SEPTIN12: variants seen among roughly 807,000 people sequenced by gnomAD.
SEPTIN12 encodes the protein septin 12.
SEPTIN12 carries 42 observed loss-of-function variants against 37.7 expected under a neutral mutation model. The observed-to-expected ratio is 1.11, with a 90% CI of 0.87 to 1.44. SEPTIN12 has a LOEUF of 1.44. Ranked by LOEUF, SEPTIN12 falls within the 40% of genes most tolerant of loss-of-function variation. The pLI, the probability that SEPTIN12 is intolerant of heterozygous loss-of-function variation, is 0.00. For synonymous variants in SEPTIN12, 254 were observed against 196.7 expected, an observed-to-expected ratio of 1.29 and a Z score of -2.44; for missense variants, 613 against 479.2, an observed-to-expected ratio of 1.28 and a Z score of -2.61.
rs768194677 is a variant in SEPTIN12, at chr16:4,785,829, C to T, written c.352G>A (p.Asp118Asn). The stretch of plus-strand genomic sequence containing the variant: ...TACCAGTTGTCATTGTTGATCTGGT[C>T]CCCGAAGCCGGGCGTGTCCGTCACC... ...LTVTDTPGFG[D>N]QINNDNCWDP... The change falls in exon 4 of 10, where the codon GAC (aspartate) becomes AAC (asparagine). Residue 118 changes from aspartate to asparagine, a missense_variant. Transcript: ENST00000268231. The T allele has an allele frequency of 1.2e-6, 2 of 1,612,320 alleles. No homozygotes were observed. Among genetic ancestry groups the T allele is most frequent in the South Asian group, 1.1e-5 (1 of 91,036 alleles).
rs1393929908 is a variant in SEPTIN12 at position 4,785,804 on chromosome 16, T to G, written c.374+3A>C. The G allele has an allele frequency of 2.6e-6, 4 of 1,540,310 alleles. No homozygotes were observed. Among genetic ancestry groups the G allele is most frequent in the Non-Finnish European group, 2.7e-6 (3 of 1,117,784 alleles). On this transcript the variant is annotated splice_donor_region_variant and intron_variant, in intron 4 of 9. Coordinates refer to ENST00000268231, the MANE Select transcript of SEPTIN12 (RefSeq NM_144605.5). ...AAAAAAAAAAAAAAGAGAGAGAACC[T>G]ACCAGTTGTCATTGTTGATCTGGTC...
intron 8 of SEPTIN12, 46 bp from the exon 9 acceptor site, chr16:4,778,183 A>G (rs755391391): frequency 6.3e-7 from 1 of 1,597,038 alleles, no homozygotes; most frequent in Non-Finnish European, 8.6e-7. Context: ...GTGAGCACTG[A>G]GTAAGTGCCT....
At chr16:4,786,878 C>T (rs553445375) in intron 2 of SEPTIN12, among the ~76,000 whole-genome samples, 1 of 151,782 alleles carries the variant, frequency 6.6e-6, no homozygotes, top group East Asian at 2.0e-4. Flanking sequence ...GAACTCCTGG[C>T]CTCCAGGGAT....
At chr16:4,782,016 T>C (rs188008845) in intron 7 of SEPTIN12, among the ~76,000 whole-genome samples, 26 of 134,772 alleles carry the variant, frequency 1.9e-4, no homozygotes, top group African/African-American at 6.9e-4. Context: ...AGTGTCACAA[T>C]CTCTGCTCAC....
At position 4,777,869 on chromosome 16, in the gene SEPTIN12, T is replaced by C. The variant is rs2082328689; in HGVS notation, c.1005A>G (p.Pro335=). The C allele has an allele frequency of 1.3e-6, 2 of 1,597,036 alleles. No individual in the cohort carries two copies. The highest frequency in any genetic ancestry group is 2.3e-5 in the South Asian group (2 of 88,366). The change falls in exon 10 of 10, where the codon CCA becomes CCG. Residue 335 remains proline, a synonymous_variant. Transcript: ENST00000268231. The stretch of plus-strand genomic sequence containing the variant: ...AGGTCCGGGGGGTGGTCAGCTGTCC[T>C]GGGGAGGCCGGGGCCAGGTTCACCC... ...PGWVNLAPAS[P]GQLTTPRTFK...
intron 7 of SEPTIN12, among the ~76,000 whole-genome samples, chr16:4,782,303 T>C (rs2082381188): frequency 6.6e-6 from 1 of 152,138 alleles, no homozygotes; most frequent in African/African-American, 2.4e-5. Context: ...GGTTAAGGGA[T>C]AGTCCATGGT....
intron 2 of SEPTIN12, among the ~76,000 whole-genome samples, chr16:4,786,598 G>A (rs542322110): frequency 2.3e-4 from 35 of 151,350 alleles, no homozygotes; most frequent in African/African-American, 6.8e-4. Context: ...CTCATGATCC[G>A]CCTGCCTCAG....
chr16:4,783,461 C>CCCGT lies in SEPTIN12; in HGVS notation c.723_726dup (p.Asp243ThrfsTer12). Reference sequence around the variant, plus strand: ...CCGCCTCCCGCCCCACAGCCTCTCACCCGTAACTTGCTGTTGAGGATTTTG... The same window carrying CCCGT: ...CCGCCTCCCGCCCCACAGCCTCTCACCCGTCCGTAACTTGCTGTTGAGGATTTTG... On this transcript the variant is annotated frameshift_variant and splice_region_variant. Coordinates refer to ENST00000268231, the MANE Select transcript of SEPTIN12 (RefSeq NM_144605.5). LOFTEE classifies it high-confidence loss of function. 1.9e-6 allele frequency: 3 copies of CCCGT among 1,613,416 alleles called. No homozygotes were observed. Among genetic ancestry groups the CCCGT allele is most frequent in the Non-Finnish European group, 2.5e-6 (3 of 1,179,516 alleles).
chr16:4,786,238 A>G (rs1055629865), intron 2 of SEPTIN12, 133 bp from the exon 3 acceptor site: 1 of 1,185,004 alleles, frequency 8.4e-7, no homozygotes, highest in Admixed American at 2.9e-5. Context: ...CAATGATGCA[A>G]TCCCCGTTCA....
chr16:4,791,638 T>G (rs2082552699), upstream of SEPTIN12, among the ~76,000 whole-genome samples: 1 of 152,150 alleles, frequency 6.6e-6, no homozygotes, highest in Non-Finnish European at 1.5e-5. Context: ...TGCCACAGCC[T>G]CCTCCTCCTG....
chr16:4,780,839 G>T (rs2141867540), intron 7 of SEPTIN12, among the ~76,000 whole-genome samples: 1 of 152,284 alleles, frequency 6.6e-6, no homozygotes, highest in Middle Eastern at 3.4e-3. Flanking sequence ...TTAGCTGGGT[G>T]TGGTGGCGCA....
chr16:4,787,911 C>T (rs1317373984), intron 1 of SEPTIN12: 1 of 424,816 alleles, frequency 2.4e-6, no homozygotes, highest in Non-Finnish European at 4.3e-6. Flanking sequence ...TCTGCCCTGT[C>T]CCCACCTACA....
Position 4,777,752 on chromosome 16 carries a change from C to T in SEPTIN12, c.*45G>A, listed in dbSNP as rs763358293. 1.3e-5 allele frequency: 18 copies of T among 1,342,278 alleles called. No individual in the cohort carries two copies. In the Admixed American group the frequency reaches 1.6e-4, roughly 12 times the overall value. 83.1% of individuals were successfully genotyped at this position (1,342,278 alleles called of 1,614,324 possible). Reference sequence around the variant, plus strand: ...TGGTACATAGGTGTGTGTTGAGAGCCGCTGGGGACTCAGGAAGCCCAGCAG... The same window carrying T: ...TGGTACATAGGTGTGTGTTGAGAGCTGCTGGGGACTCAGGAAGCCCAGCAG... On this transcript the variant is annotated 3_prime_UTR_variant, in exon 10 of 10. Transcript: ENST00000268231.
At chr16:4,782,819 G>A (rs1457924490) in intron 7 of SEPTIN12, among the ~76,000 whole-genome samples, 2 of 151,910 alleles carry the variant, frequency 1.3e-5, no homozygotes, top group Non-Finnish European at 2.9e-5. Context: ...TGGCCAGGCT[G>A]GTCTCGAACT....
chr16:4,785,713 G>A lies in SEPTIN12; in HGVS notation c.374+94C>T, dbSNP rs1268759193. On this transcript the variant is annotated intron_variant, in intron 4 of 9. Coordinates refer to ENST00000268231, the MANE Select transcript of SEPTIN12 (RefSeq NM_144605.5). ...GAATCACTTGAACCTGGGAGGTGGA[G>A]GTTGCAGTGAGCCGAGATCATGCCA... The A allele has an allele frequency of 1.9e-5, 17 of 872,210 alleles. No individual in the cohort carries two copies. In the South Asian group the frequency reaches 2.4e-4, roughly 12 times the overall value. 54.0% of individuals were successfully genotyped at this position (872,210 alleles called of 1,614,324 possible).
chr16:4,778,022 C>T, intron 9 of SEPTIN12, 24 bp from the exon 10 acceptor site: 1 of 1,612,578 alleles, frequency 6.2e-7, no homozygotes. Context: ...GACGGTCAGC[C>T]CCGATGGTGG....
rs758860427 is a variant in SEPTIN12 at position 4,778,097 on chromosome 16, G to C, written c.864C>G (p.Asp288Glu). 21 of 1,614,076 alleles carry C rather than the reference G, an allele frequency of 1.3e-5. No individual in the cohort carries two copies. Among genetic ancestry groups the C allele is most frequent in the South Asian group, 2.2e-5 (2 of 91,084 alleles). The stretch of plus-strand genomic sequence containing the variant: ...CCCCACACCCTCACCGGATAAGCAG[G>C]TCTCTCAGGAGAGGAAATTCACAGT... ...MAHCEFPLLR[D>E]LLIRSHLQDL... Residue 288 changes from aspartate (D) to glutamate (E), a missense_variant, in exon 9 of 10, where the codon GAC becomes GAG. By Grantham distance (45) the Asp-to-Glu change is conservative (BLOSUM62 2). Coordinates refer to ENST00000268231, the MANE Select transcript of SEPTIN12 (RefSeq NM_144605.5).
chr16:4,779,898 A>G (rs2082354742), intron 7 of SEPTIN12, 112 bp from the exon 8 acceptor site: 2 of 726,074 alleles, frequency 2.8e-6, no homozygotes, highest in African/African-American at 1.8e-5. Flanking sequence ...CGAGGAGGGA[A>G]CATGGTAGAA....
In SEPTIN12 at chr16:4,783,705, C is replaced by T. The variant is rs1013230244; in HGVS notation, c.574G>A (p.Val192Met). The T allele has an allele frequency of 2.9e-5, 47 of 1,613,978 alleles. 1 individual carries two copies. The South Asian group carries it at 4.1e-4, about 14-fold the overall frequency. ...RLCRTVNVVP[V>M]IARADSLTME... ...GTCAGGCTGTCGGCCCTGGCAATCA[C>T]GGGCACCACATTCACAGTCCGGCAC... The change falls in exon 6 of 10, where the codon GTG becomes ATG. Residue 192 changes from valine (V) to methionine (M), a missense_variant. By Grantham distance (21) the Val-to-Met change is conservative. Transcript: ENST00000268231.
Sources: allele counts gnomAD v4.1 joint callset (sites outside exome capture counted in the v4.1 genomes callset), GRCh38; gene constraint gnomAD v4.1.1; transcripts MANE v1.5; gene names NCBI Gene and HGNC (gene_info 2026-07-23, HGNC 2026-07-21).